The following NMT2 variants were observed in gnomAD, a reference collection of about 807,000 sequenced individuals.
The protein encoded by NMT2 is glycylpeptide N-tetradecanoyltransferase 2.
NMT2 carries 35 observed loss-of-function variants against 65.4 expected under a neutral mutation model. The observed-to-expected ratio is 0.54, with a 90% CI of 0.41 to 0.71. The LOEUF is 0.71. NMT2 is among the 30% of genes least tolerant of loss of function. NMT2 has a pLI of 0.00. For missense variants in NMT2, 489 were observed against 611.3 expected (o/e 0.80, Z 2.11); for synonymous variants, 226 against 231.8 (o/e 0.98, Z 0.23).
At chr10:15,118,980 A>G (rs1438911090) in intron 9 of NMT2, among the ~76,000 whole-genome samples, 6 of 152,200 alleles carry the variant, frequency 3.9e-5, no homozygotes, top group Non-Finnish European at 8.8e-5. Context: ...AATGATTTTC[A>G]TAACACTAAG....
intron 9 of NMT2, among the ~76,000 whole-genome samples, chr10:15,118,169 A>G (rs1054427328): frequency 3.3e-5 from 5 of 152,248 alleles, no homozygotes; most frequent in Non-Finnish European, 5.9e-5. Context: ...AAAGACAGAC[A>G]TGGAGATCAA....
In NMT2 at chr10:15,135,136, AT is replaced by A. The variant is rs1487386736; in HGVS notation, c.391+137del. The A allele has an allele frequency of 5.5e-6, 5 of 907,066 alleles. No individual in the cohort carries two copies. The East Asian group carries it at 1.2e-4, about 22-fold the overall frequency. 56.2% of individuals were successfully genotyped at this position (907,066 alleles called of 1,614,324 possible). On this transcript the variant is annotated intron_variant, in intron 3 of 11. Coordinates refer to ENST00000378165, the MANE Select transcript of NMT2 (RefSeq NM_004808.3). Reference sequence around the variant, plus strand: ...GAAGAAAAATATTAGTCTTGCATAGATTTCCAATCTGTGGTATGAAATAAAT... The same window carrying A: ...GAAGAAAAATATTAGTCTTGCATAGATTCCAATCTGTGGTATGAAATAAAT...
At chr10:15,136,762 G>A (rs1171797821) in intron 2 of NMT2, among the ~76,000 whole-genome samples, 3 of 151,468 alleles carry the variant, frequency 2.0e-5, no homozygotes, top group African/African-American at 4.9e-5. Flanking sequence ...AAAACATTAC[G>A]TTTGAATTCT....
chr10:15,157,101 C>A (rs745942766), intron 1 of NMT2, among the ~76,000 whole-genome samples: 23 of 152,098 alleles, frequency 1.5e-4, no homozygotes, highest in African/African-American at 5.1e-4. Flanking sequence ...CTTATGTTAA[C>A]TGAATCCCCA....
chr10:15,121,292 T>C lies in NMT2; in HGVS notation c.1000-1779A>G, dbSNP rs115613492. Reference sequence around the variant, plus strand: ...CTAGCAGTTCCACTCTTAAGAAATATTGTTAAAGGAAAAACTTCCTGTAGA... The same window carrying C: ...CTAGCAGTTCCACTCTTAAGAAATACTGTTAAAGGAAAAACTTCCTGTAGA... On this transcript the variant is annotated intron_variant, in intron 8 of 11. Coordinates refer to ENST00000378165, the MANE Select transcript of NMT2 (RefSeq NM_004808.3). Among the ~76,000 whole-genome samples, 1,069 of 152,258 alleles carry C rather than the reference T, an allele frequency of 7.0e-3. 16 individuals are homozygous for C. Among genetic ancestry groups the C allele is most frequent in the African/African-American group, 0.025 (1,022 of 41,544 alleles).
At chr10:15,135,086 T>C (rs1433170223) in intron 3 of NMT2, among the ~76,000 whole-genome samples, 188 bp downstream of exon 3, 1 of 152,210 alleles carries the variant, frequency 6.6e-6, no homozygotes, top group East Asian at 1.9e-4. Context: ...AAAGCCAATG[T>C]CACTATCTAA....
intron 9 of NMT2, among the ~76,000 whole-genome samples, chr10:15,113,261 G>A (rs1391029256): frequency 1.3e-5 from 2 of 151,568 alleles, no homozygotes; most frequent in Admixed American, 6.6e-5. Flanking sequence ...ATGAGGTCAG[G>A]AGTTCGAGAC....
At chr10:15,160,592 G>A (rs1027793244) in intron 1 of NMT2, among the ~76,000 whole-genome samples, 3 of 151,612 alleles carry the variant, frequency 2.0e-5, no homozygotes, top group African/African-American at 7.3e-5. Context: ...CGGCCAACGT[G>A]GTGAAACCCC....
intron 1 of NMT2, among the ~76,000 whole-genome samples, chr10:15,148,385 T>C (rs1436990836): frequency 3.9e-5 from 6 of 152,156 alleles, no homozygotes; most frequent in Non-Finnish European, 7.3e-5. Context: ...GGTGTGTGTG[T>C]GCCTCTGGTC....
chr10:15,168,136 G>T (rs1382411399), intron 1 of NMT2, among the ~76,000 whole-genome samples: 2 of 152,184 alleles, frequency 1.3e-5, no homozygotes, highest in African/African-American at 4.8e-5. Context: ...GCCACAAAGG[G>T]AAGGGCGTAG....
chr10:15,144,405 C>T (rs113905192), intron 1 of NMT2, among the ~76,000 whole-genome samples: 3,259 of 152,126 alleles, frequency 0.021, 125 homozygotes, highest in African/African-American at 0.072. Flanking sequence ...ACCAGTGCAC[C>T]GCTTGATACC....
intron 1 of NMT2, among the ~76,000 whole-genome samples, chr10:15,161,501 G>A (rs566897234): frequency 2.0e-5 from 3 of 151,978 alleles, no homozygotes; most frequent in South Asian, 2.1e-4. Context: ...GATTACATAC[G>A]CCCGCCACCA....
At chr10:15,165,449 A>G (rs1225899337) in intron 1 of NMT2, among the ~76,000 whole-genome samples, 2 of 152,234 alleles carry the variant, frequency 1.3e-5, no homozygotes, top group African/African-American at 2.4e-5. Flanking sequence ...TTGTTTGAAA[A>G]TAATAAAATT....
intron 9 of NMT2, among the ~76,000 whole-genome samples, chr10:15,115,890 C>G (rs1049007584): frequency 2.6e-5 from 4 of 152,004 alleles, no homozygotes; most frequent in African/African-American, 9.7e-5. Flanking sequence ...ACACAAAGAC[C>G]CTAATATACA....
chr10:15,155,017 T>C (rs924528135), intron 1 of NMT2: 6 of 1,200,202 alleles, frequency 5.0e-6, no homozygotes, highest in Non-Finnish European at 7.4e-6. Context: ...CCAGGACCTG[T>C]ATGCTTCATG....
chr10:15,159,577 G>T (rs1458086587), intron 1 of NMT2, among the ~76,000 whole-genome samples: 1 of 151,992 alleles, frequency 6.6e-6, no homozygotes, highest in African/African-American at 2.4e-5. Flanking sequence ...ACAGGTGCCC[G>T]CCATCGTGCC....
At chr10:15,111,665 C>T (rs1564556748) in intron 10 of NMT2, 1 of 151,352 alleles carries the variant, frequency 6.6e-6, no homozygotes, top group Non-Finnish European at 1.5e-5. Flanking sequence ...AGAAGAAGCA[C>T]TTTTTATTTT....
At chr10:15,147,742 A>T (rs1403766378) in intron 1 of NMT2, among the ~76,000 whole-genome samples, 1 of 152,208 alleles carries the variant, frequency 6.6e-6, no homozygotes, top group Non-Finnish European at 1.5e-5. Flanking sequence ...TAGTGCCTAG[A>T]ACAGTGTCTG....
chr10:15,120,152 A>G (rs1845878838), intron 8 of NMT2, among the ~76,000 whole-genome samples: 1 of 152,212 alleles, frequency 6.6e-6, no homozygotes, highest in Non-Finnish European at 1.5e-5. Flanking sequence ...TAAGTAATCC[A>G]GAGATGATTT....
Sources: gnomAD v4.1 joint callset for allele counts (sites outside exome capture counted in the v4.1 genomes callset) on GRCh38, gnomAD v4.1.1 for gene constraint, MANE v1.5 for transcripts, NCBI Gene and HGNC (gene_info 2026-07-23, HGNC 2026-07-21) for gene names.